The following STARD13 variants were observed in gnomAD, a reference collection of about 807,000 sequenced individuals.
STARD13 encodes the protein stAR-related lipid transfer protein 13.
A neutral mutation model predicts 106.4 loss-of-function variants in STARD13; 62 were observed. The observed-to-expected ratio is 0.58, with a 90% CI of 0.48 to 0.72. STARD13 has a LOEUF of 0.72. Among genes scored for constraint, STARD13 ranks in the 30% least tolerant of loss-of-function variants. STARD13 has a pLI of 0.00. For synonymous variants in STARD13, 565 were observed against 553.0 expected, an observed-to-expected ratio of 1.02 and a Z score of -0.31; for missense variants, 1,387 against 1,424.0, an observed-to-expected ratio of 0.97 and a Z score of 0.42.
chr13:33,315,073 GAA>G (rs1422621207), intron 1 of STARD13, among the ~76,000 whole-genome samples: 3 of 152,238 alleles, frequency 2.0e-5, no homozygotes, highest in Admixed American at 2.0e-4. Flanking sequence ...TCCTTGGAGA[GAA>G]ATAACAGAAA....
chr13:33,597,797 C>T, the STARD13 span, among the ~76,000 whole-genome samples: 5 of 150,974 alleles, frequency 3.3e-5, no homozygotes, highest in African/African-American at 7.3e-5. Flanking sequence ...GAGGTTGTGG[C>T]GAGCTGAGAT....
chr13:33,281,840 T>C (rs1177784103), intron 1 of STARD13, among the ~76,000 whole-genome samples: 3 of 152,128 alleles, frequency 2.0e-5, no homozygotes, highest in Non-Finnish European at 2.9e-5. Context: ...AATGAGGAAT[T>C]CTTGTTTAAT....
chr13:33,276,726 G>A (rs1891457789), intron 1 of STARD13: 1 of 152,128 alleles, frequency 6.6e-6, no homozygotes, highest in Non-Finnish European at 1.5e-5. Flanking sequence ...ACTTCAGCTC[G>A]AAATCCTGAC....
At chr13:33,314,531 T>G (rs1432091566) in intron 1 of STARD13, among the ~76,000 whole-genome samples, 1 of 152,232 alleles carries the variant, frequency 6.6e-6, no homozygotes, top group Non-Finnish European at 1.5e-5. Context: ...TAATTGCAAC[T>G]GCGATTAAAT....
chr13:33,325,991 A>AG, intron 1 of STARD13, among the ~76,000 whole-genome samples: 1 of 150,768 alleles, frequency 6.6e-6, no homozygotes, highest in East Asian at 1.9e-4. Flanking sequence ...TTTAAAAAAA[A>AG]AAAAAAAAAA....
At chr13:33,607,600 G>A in the STARD13 span, among the ~76,000 whole-genome samples, 1 of 151,810 alleles carries the variant, frequency 6.6e-6, no homozygotes, top group Non-Finnish European at 1.5e-5. Context: ...CTGGCCCATT[G>A]TTTCTTTTCT....
the STARD13 span, among the ~76,000 whole-genome samples, chr13:33,633,831 C>A: frequency 6.6e-6 from 1 of 152,094 alleles, no homozygotes; most frequent in African/African-American, 2.4e-5. Context: ...CTGCCCAGGG[C>A]GGTGTTATTA....
chr13:33,458,815 C>CTT, the STARD13 span, among the ~76,000 whole-genome samples: 74 of 113,474 alleles, frequency 6.5e-4, no homozygotes, highest in Non-Finnish European at 8.4e-4. Flanking sequence ...AACATGTTTA[C>CTT]TTTTTTTTTT....
At chr13:33,276,684 G>A (rs1891454199) in intron 1 of STARD13, 1 of 152,100 alleles carries the variant, frequency 6.6e-6, no homozygotes, top group Non-Finnish European at 1.5e-5. Context: ...TAAGCAGGAA[G>A]GGGAGAGTTG....
intron 1 of STARD13, among the ~76,000 whole-genome samples, chr13:33,227,054 CTGAG>C (rs1888662488): frequency 6.6e-6 from 1 of 152,076 alleles, no homozygotes; most frequent in South Asian, 2.1e-4. Context: ...CAAAACCAAA[CTGAG>C]TGTTTTCAGC....
chr13:33,268,783 G>C (rs999480856), intron 1 of STARD13, among the ~76,000 whole-genome samples: 1 of 152,146 alleles, frequency 6.6e-6, no homozygotes, highest in African/African-American at 2.4e-5. Context: ...AATAAATCAA[G>C]GATCTGAAGT....
chr13:33,526,108 T>A, the STARD13 span, among the ~76,000 whole-genome samples: 7 of 152,090 alleles, frequency 4.6e-5, no homozygotes, highest in Admixed American at 4.6e-4. Flanking sequence ...TAATATTTTC[T>A]GATAGTTACT....
At chr13:33,322,614 C>A (rs965545689) in intron 1 of STARD13, among the ~76,000 whole-genome samples, 10 of 152,174 alleles carry the variant, frequency 6.6e-5, no homozygotes, top group Admixed American at 3.9e-4. Context: ...AGCTGTTGCA[C>A]GCGCAGTGAC....
At chr13:33,180,616 C>G (rs1337834161) in intron 1 of STARD13, 1 of 152,194 alleles carries the variant, frequency 6.6e-6, no homozygotes, top group Non-Finnish European at 1.5e-5. Flanking sequence ...GGTCATTGAT[C>G]TCAAGAGGTC....
the STARD13 span, among the ~76,000 whole-genome samples, chr13:33,605,951 A>G: frequency 2.0e-5 from 3 of 152,110 alleles, no homozygotes; most frequent in African/African-American, 2.4e-5. Context: ...CAATTTCTCT[A>G]CATACTAGCT....
intron 9 of STARD13, 114 bp downstream of exon 9, chr13:33,112,607 G>T: frequency 1.2e-6 from 1 of 851,832 alleles, no homozygotes; most frequent in Non-Finnish European, 1.8e-6. Context: ...TCTATAATCT[G>T]TCTACCAATA....
At chr13:33,463,978 T>A in the STARD13 span, among the ~76,000 whole-genome samples, 1 of 146,082 alleles carries the variant, frequency 6.8e-6, no homozygotes, top group African/African-American at 2.5e-5. Context: ...GCCATTGCAC[T>A]CCAGCCTGGG....
intron 3 of STARD13, among the ~76,000 whole-genome samples, chr13:33,163,411 G>A (rs1407331747): frequency 1.3e-5 from 2 of 151,410 alleles, no homozygotes; most frequent in Non-Finnish European, 2.9e-5. Flanking sequence ...CCAACATGGT[G>A]AAACCCCATC....
At chr13:33,668,633 G>A in the STARD13 span, among the ~76,000 whole-genome samples, 3 of 152,328 alleles carry the variant, frequency 2.0e-5, no homozygotes, top group South Asian at 2.1e-4. Context: ...TAAAGAGAAC[G>A]TGTTTCCTGG....
Sources: allele counts gnomAD v4.1 joint callset (sites outside exome capture counted in the v4.1 genomes callset), GRCh38; gene constraint gnomAD v4.1.1; transcripts MANE v1.5; gene names NCBI Gene and HGNC (gene_info 2026-07-23, HGNC 2026-07-21).